GABRB1: variants seen among roughly 807,000 people sequenced by gnomAD.
GABRB1 encodes the protein gamma-aminobutyric acid type A receptor subunit beta1, also known as gamma-aminobutyric acid receptor subunit beta-1.
GABRB1 carries 17 observed loss-of-function variants against 51.6 expected under a neutral mutation model. The ratio of observed to expected loss-of-function variants is 0.33; its 90% CI spans 0.23 to 0.49. The LOEUF (loss-of-function observed/expected upper bound fraction) is 0.49. GABRB1 is among the 20% of genes least tolerant of loss of function. The pLI is 0.99. For synonymous variants in GABRB1, 247 were observed against 218.9 expected, an observed-to-expected ratio of 1.13 and a Z score of -1.14; for missense variants, 410 against 600.6, an observed-to-expected ratio of 0.68 and a Z score of 3.32.
intron 4 of GABRB1, among the ~76,000 whole-genome samples, chr4:47,294,144 AACAGCTCCGTTCT>A (rs909460692): frequency 6.6e-6 from 1 of 152,186 alleles, no homozygotes; most frequent in Admixed American, 6.5e-5. Context: ...GCCAAATAGG[AACAGCTCCGTTCT>A]ACAGCTCCCA....
intron 3 of GABRB1, among the ~76,000 whole-genome samples, chr4:47,106,749 G>A (rs2109618483): frequency 6.6e-6 from 1 of 152,048 alleles, no homozygotes; most frequent in South Asian, 2.1e-4. Flanking sequence ...TCTTTCCGAG[G>A]TTGCTTAATG....
At chr4:47,081,741 C>A (rs555782462) in intron 3 of GABRB1, among the ~76,000 whole-genome samples, 1 of 152,106 alleles carries the variant, frequency 6.6e-6, no homozygotes, top group South Asian at 2.1e-4. Flanking sequence ...ATATAATTAA[C>A]GTCTACTGGC....
intron 4 of GABRB1, among the ~76,000 whole-genome samples, chr4:47,282,404 C>T (rs186507945): frequency 2.0e-4 from 30 of 152,272 alleles, no homozygotes; most frequent in African/African-American, 6.0e-4. Flanking sequence ...CATGCTAGCA[C>T]ATATATACTT....
chr4:47,328,045 A>G (rs762536710), intron 5 of GABRB1, among the ~76,000 whole-genome samples: 2 of 152,086 alleles, frequency 1.3e-5, no homozygotes, highest in Non-Finnish European at 2.9e-5. Flanking sequence ...TTTGATTTGC[A>G]TTCTTCTGAT....
At chr4:47,125,421 T>C (rs1409344160) in intron 3 of GABRB1, among the ~76,000 whole-genome samples, 1 of 151,956 alleles carries the variant, frequency 6.6e-6, no homozygotes, top group Non-Finnish European at 1.5e-5. Flanking sequence ...GGTAAACATA[T>C]AGTCAAATTA....
intron 5 of GABRB1, among the ~76,000 whole-genome samples, chr4:47,370,257 G>A (rs908516603): frequency 6.6e-6 from 1 of 152,194 alleles, no homozygotes; most frequent in African/African-American, 2.4e-5. Context: ...GGGTGGCCGA[G>A]GCGAGTGGAT....
At chr4:47,000,028 A>G (rs1168969388) in intron 1 of GABRB1, among the ~76,000 whole-genome samples, 1 of 152,188 alleles carries the variant, frequency 6.6e-6, no homozygotes, top group Non-Finnish European at 1.5e-5. Context: ...GACAGATTTG[A>G]GCTGGACTCA....
chr4:47,221,682 G>C (rs1218356983), intron 4 of GABRB1, among the ~76,000 whole-genome samples: 1 of 151,852 alleles, frequency 6.6e-6, no homozygotes, highest in Non-Finnish European at 1.5e-5. Flanking sequence ...AAAAATGCAG[G>C]GTGAGTATCT....
intron 3 of GABRB1, among the ~76,000 whole-genome samples, chr4:47,048,841 T>A (rs1273160808): frequency 6.6e-6 from 1 of 152,116 alleles, no homozygotes; most frequent in Non-Finnish European, 1.5e-5. Flanking sequence ...TCTTTCCCTT[T>A]AGAGTTTCCT....
intron 4 of GABRB1, among the ~76,000 whole-genome samples, chr4:47,172,894 G>T (rs1220049473): frequency 6.6e-6 from 1 of 151,730 alleles, no homozygotes; most frequent in African/African-American, 2.4e-5. Flanking sequence ...CACCTGCCTC[G>T]GCCACCCAAA....
chr4:47,013,882 AT>A (rs1364990659), intron 1 of GABRB1, among the ~76,000 whole-genome samples: 2 of 152,194 alleles, frequency 1.3e-5, no homozygotes, highest in Non-Finnish European at 2.9e-5. Context: ...AGAATTTTGC[AT>A]TATGTAGAAG....
intron 4 of GABRB1, among the ~76,000 whole-genome samples, chr4:47,203,982 C>T (rs1240694647): frequency 6.6e-6 from 1 of 152,160 alleles, no homozygotes; most frequent in Non-Finnish European, 1.5e-5. Context: ...CTAAAACCAG[C>T]TCAATAATTT....
At chr4:47,400,921 C>CTTTTTTTTTTT (rs71195629) in intron 5 of GABRB1, among the ~76,000 whole-genome samples, 2 of 98,542 alleles carry the variant, frequency 2.0e-5, no homozygotes, top group Non-Finnish European at 1.9e-5. Context: ...TTGTTCTTCT[C>CTTTTTTTTTTT]TTTTTTTTTT....
chr4:47,358,389 G>GTA lies in GABRB1; in HGVS notation c.544+38195_544+38196dup, dbSNP rs766806108. The stretch of plus-strand genomic sequence containing the variant: ...TATATATATGTGTGTGTGTATATAT[G>GTA]TATATATATATATATAGAGAGAGAG... On this transcript the variant is annotated intron_variant, in intron 5 of 8. Transcript: ENST00000295454. Among the ~76,000 whole-genome samples the GTA allele has an allele frequency of 1.9e-3, 287 of 149,598 alleles. 6 individuals carry two copies. The highest frequency in any genetic ancestry group is 3.6e-3 in the Middle Eastern group (1 of 278).
intron 4 of GABRB1, among the ~76,000 whole-genome samples, chr4:47,242,100 T>C (rs2109849693): frequency 6.6e-6 from 1 of 151,774 alleles, no homozygotes; most frequent in South Asian, 2.1e-4. Flanking sequence ...TGTGTTCTCA[T>C]TGTTCCGTTC....
intron 4 of GABRB1, among the ~76,000 whole-genome samples, chr4:47,297,516 G>A: frequency 6.6e-6 from 1 of 152,074 alleles, no homozygotes; most frequent in Non-Finnish European, 1.5e-5. Context: ...AGAAGAAATA[G>A]ATAAATTCCT....
intron 4 of GABRB1, among the ~76,000 whole-genome samples, chr4:47,307,784 G>T (rs1180112009): frequency 4.0e-5 from 6 of 151,402 alleles, no homozygotes; most frequent in African/African-American, 1.5e-4. Flanking sequence ...TAATAATTTT[G>T]GTATCTAGAG....
chr4:47,377,966 C>G (rs1727448894), intron 5 of GABRB1, among the ~76,000 whole-genome samples: 1 of 152,372 alleles, frequency 6.6e-6, no homozygotes, highest in East Asian at 1.9e-4. Flanking sequence ...GACTCAGGAG[C>G]CCAGCTGGCT....
At chr4:47,412,939 A>G (rs1728805857) in intron 8 of GABRB1, among the ~76,000 whole-genome samples, 1 of 152,226 alleles carries the variant, frequency 6.6e-6, no homozygotes, top group South Asian at 2.1e-4. Flanking sequence ...ATTTTTTATT[A>G]TGCAAGTTGG....
Sources: gnomAD v4.1 joint callset for allele counts (sites outside exome capture counted in the v4.1 genomes callset) on GRCh38, gnomAD v4.1.1 for gene constraint, MANE v1.5 for transcripts, NCBI Gene and HGNC (gene_info 2026-07-23, HGNC 2026-07-21) for gene names.